The following PCYT2 variants were observed in gnomAD, a reference collection of about 807,000 sequenced individuals.
PCYT2 encodes phosphate cytidylyltransferase 2, ethanolamine, also known as ethanolamine-phosphate cytidylyltransferase.
In PCYT2, 33 loss-of-function variants were observed where a neutral mutation model predicts 50.0. That is an observed-to-expected ratio of 0.66 (90% CI 0.50 to 0.88). PCYT2 has a LOEUF of 0.88. Ranked by LOEUF, PCYT2 falls within the 40% of genes least tolerant of loss-of-function variation. The pLI, the probability that PCYT2 is intolerant of heterozygous loss-of-function variation, is 0.00. For synonymous variants in PCYT2, 240 were observed against 203.7 expected (o/e 1.18, Z -1.52); for missense variants, 430 against 519.7 (o/e 0.83, Z 1.68).
Position 81,902,137 on chromosome 17 carries a change from GCGCCCGCTGCACCCCAGCC to G in PCYT2, c.*2677_*2695del, listed in dbSNP as rs1435409276. ...CGGAGGTGCGACGGCTCCTCCGCGC[GCGCCCGCTGCACCCCAGCC>G]CGCCCGCCGCCCCTCCCGGCCCTCC... On this transcript the variant is annotated 3_prime_UTR_variant, in exon 13 of 13. Transcript: ENST00000538936. The G allele has an allele frequency of 5.4e-5, 41 of 764,324 alleles. No homozygotes were observed. The highest frequency in any genetic ancestry group is 6.2e-5 in the Non-Finnish European group (36 of 579,674). The allele number at this position is 764,324 out of a possible 1,614,324, so 47.3% of individuals were successfully genotyped here.
chr17:81,908,411 G>T (rs2040395453), intron 4 of PCYT2, among the ~76,000 whole-genome samples, 157 bp downstream of exon 4: 1 of 152,236 alleles, frequency 6.6e-6, no homozygotes, highest in Admixed American at 6.5e-5. Context: ...CCCCACAATG[G>T]CACCTCCATC....
At chr17:81,905,506 C>T (rs1438911139) in intron 10 of PCYT2, 59 bp from the exon 11 acceptor site, 2 of 1,494,876 alleles carry the variant, frequency 1.3e-6, no homozygotes, top group Non-Finnish European at 1.8e-6. Context: ...TCGCCACCCA[C>T]AGCCCAGCAC....
rs1251947583 is a variant in PCYT2, at chr17:81,909,124, C to CAA, written c.179-88_179-87insTT. On this transcript the variant is annotated intron_variant, in intron 2 of 12. Transcript: ENST00000538936. ...CCCCTTCCCAGCACCCAGCTGTAGC[C>CAA]ACACAAGAGGGCCGGTGGGGGCAGG... The CAA allele has an allele frequency of 3.9e-6, 6 of 1,546,560 alleles. No homozygotes were observed. In the African/African-American group the frequency reaches 8.2e-5, roughly 21 times the overall value.
intron 1 of PCYT2, 98 bp downstream of exon 1, chr17:81,911,169 C>T: frequency 9.9e-7 from 1 of 1,009,346 alleles, no homozygotes; most frequent in Non-Finnish European, 1.2e-6. Context: ...AGGACGCCAC[C>T]CAGAACGCGG....
chr17:81,906,220 G>A, intron 8 of PCYT2, 43 bp from the exon 9 acceptor site: 1 of 1,544,652 alleles, frequency 6.5e-7, no homozygotes, highest in Non-Finnish European at 8.8e-7. Flanking sequence ...GACTTTTTGG[G>A]GGGACAGGGT....
In PCYT2 at chr17:81,906,663, A is replaced by G. The variant is rs1445689733; in HGVS notation, c.676+97T>C. ...GCTGACAGCTGCTCCCCTGCAAACC[A>G]GCCAGCCCAGTCTGGGGGCCCCAAG... On this transcript the variant is annotated intron_variant, in intron 7 of 12. Coordinates refer to ENST00000538936, the MANE Select transcript of PCYT2 (RefSeq NM_002861.5). 1.9e-6 allele frequency: 3 copies of G among 1,584,290 alleles called. No homozygotes were observed. The East Asian group carries it at 6.7e-5, about 35-fold the overall frequency.
chr17:81,906,178 C>T lies in PCYT2; in HGVS notation c.760-1G>A. On this transcript the variant is annotated splice_acceptor_variant, in intron 8 of 12. Coordinates refer to ENST00000538936, the MANE Select transcript of PCYT2 (RefSeq NM_002861.5). LOFTEE classifies it high-confidence loss of function. ...TCTTCCCCTTGTAGTGATTGACCTCCTGCGGCCAGAGTGCGGCTAGCTCAG... is the reference window on the plus strand; with the variant it reads ...TCTTCCCCTTGTAGTGATTGACCTCTTGCGGCCAGAGTGCGGCTAGCTCAG... 6.2e-7 allele frequency: 1 copy of T among 1,610,324 alleles called. No homozygotes were observed. Among genetic ancestry groups the T allele is most frequent in the Non-Finnish European group, 8.5e-7 (1 of 1,178,120 alleles).
In PCYT2 at chr17:81,903,078, T is replaced by C. The variant is rs1260919082; in HGVS notation, c.*1755A>G. On this transcript the variant is annotated 3_prime_UTR_variant, in exon 13 of 13. Coordinates refer to ENST00000538936, the MANE Select transcript of PCYT2 (RefSeq NM_002861.5). ...AGCTGGCCACGACCCAGCCCCGCGG[T>C]GAAGCCGCGCCTAGCCTTGGTGCTC... 3.0e-6 allele frequency: 1 copy of C among 335,754 alleles called. No homozygotes were observed. The highest frequency in any genetic ancestry group is 2.1e-5 in the African/African-American group (1 of 46,830). 20.8% of individuals were successfully genotyped at this position (335,754 alleles called of 1,614,324 possible).
At chr17:81,908,773 C>T (rs2040420282) in intron 3 of PCYT2, 103 bp downstream of exon 3, 17 of 1,362,466 alleles carry the variant, frequency 1.2e-5, no homozygotes, top group Non-Finnish European at 1.7e-5. Context: ...TGTCTCAGAT[C>T]CTCAAAGGGC....
chr17:81,906,578 GGA>G, intron 7 of PCYT2, 32 bp from the exon 8 acceptor site: 1 of 1,602,668 alleles, frequency 6.2e-7, no homozygotes. Context: ...GTCGGGATGG[GGA>G]TGACAGGGAG....
Position 81,903,154 on chromosome 17 carries a change from C to G in PCYT2, c.*1679G>C. On this transcript the variant is annotated 3_prime_UTR_variant, in exon 13 of 13. Coordinates refer to ENST00000538936, the MANE Select transcript of PCYT2 (RefSeq NM_002861.5). ...TGGCCCGGTTCCCAGTGTCCTCCCC[C>G]AGCCCTTCGCTCCCCAACTCGAGAG... 4.8e-6 allele frequency: 1 copy of G among 209,644 alleles called. No homozygotes were observed. Among genetic ancestry groups the G allele is most frequent in the Non-Finnish European group, 9.4e-6 (1 of 106,148 alleles). The allele number at this position is 209,644 out of a possible 1,614,324, so 13.0% of individuals were successfully genotyped here.
At position 81,902,211 on chromosome 17, in the gene PCYT2, T is replaced by G; in HGVS notation, c.*2622A>C. On this transcript the variant is annotated 3_prime_UTR_variant, in exon 13 of 13. Transcript: ENST00000538936. ...CCTCGGCCCGCCCTCGCCGCAGATA[T>G]AAGGCGGCCCAGGCGGTGGCTGCTC... 8.3e-7 allele frequency: 1 copy of G among 1,200,948 alleles called. No homozygotes were observed. The highest frequency in any genetic ancestry group is 1.0e-6 in the Non-Finnish European group (1 of 966,902). 74.4% of individuals were successfully genotyped at this position (1,200,948 alleles called of 1,614,324 possible).
At position 81,901,217 on chromosome 17, in the gene PCYT2, G is replaced by C. The variant is rs571916242; in HGVS notation, c.*3616C>G. 1 of 152,214 alleles carries C rather than the reference G, an allele frequency of 6.6e-6. No homozygotes were observed. Among genetic ancestry groups the C allele is most frequent in the African/African-American group, 2.4e-5 (1 of 41,432 alleles). The allele number at this position is 152,214 out of a possible 1,614,324, so 9.4% of individuals were successfully genotyped here. Reference sequence around the variant, plus strand: ...GCGAGGGCGGGAAGCATCCAGCATGGGAGAAAGATGGAGGCCAGATTCAGC... The same window carrying C: ...GCGAGGGCGGGAAGCATCCAGCATGCGAGAAAGATGGAGGCCAGATTCAGC... On this transcript the variant is annotated 3_prime_UTR_variant, in exon 13 of 13. Transcript: ENST00000538936.
intron 3 of PCYT2, 63 bp downstream of exon 3, chr17:81,908,813 A>G: frequency 6.7e-7 from 1 of 1,498,180 alleles, no homozygotes; most frequent in Non-Finnish European, 9.2e-7. Flanking sequence ...ATGTCCCACC[A>G]GCAGATCTGA....
At position 81,904,883 on chromosome 17, in the gene PCYT2, C is replaced by A. The variant is rs746826324; in HGVS notation, c.1120G>T (p.Ala374Ser). The A allele has an allele frequency of 6.2e-7, 1 of 1,612,970 alleles. No individual in the cohort carries two copies. Among genetic ancestry groups the A allele is most frequent in the East Asian group, 2.2e-5 (1 of 44,886 alleles). Residue 374 changes from alanine (A) to serine (S), a missense_variant, in exon 13 of 13, where the codon GCC becomes TCC. By Grantham distance (99) the Ala-to-Ser change is moderately conservative. Coordinates refer to ENST00000538936, the MANE Select transcript of PCYT2 (RefSeq NM_002861.5). ...EAKELAFLEAARQQAAQPLGE... is the reference protein window; with the variant it reads ...EAKELAFLEASRQQAAQPLGE... Reference sequence around the variant, plus strand: ...AGGGGCTGTGCCGCCTGCTGCCTGGCAGCCTCCAGGAAGGCCAGCTCCTTG... The same window carrying A: ...AGGGGCTGTGCCGCCTGCTGCCTGGAAGCCTCCAGGAAGGCCAGCTCCTTG...
rs1247436052 is a variant in PCYT2 at position 81,901,266 on chromosome 17, C to G, written c.*3567G>C. ...GCCAGTCTAGTCTTTCCACGTTCCT[C>G]TGCCTGCTTGTATCCTGGCTGTGCT... is the stretch of plus-strand genomic sequence containing the variant. On this transcript the variant is annotated 3_prime_UTR_variant, in exon 13 of 13. Coordinates refer to ENST00000538936, the MANE Select transcript of PCYT2 (RefSeq NM_002861.5). The G allele has an allele frequency of 6.6e-6, 1 of 152,242 alleles. No individual in the cohort carries two copies. The highest frequency in any genetic ancestry group is 1.5e-5 in the Non-Finnish European group (1 of 68,042). 9.4% of individuals were successfully genotyped at this position (152,242 alleles called of 1,614,324 possible).
At chr17:81,910,484 G>A (rs1009000789) in intron 1 of PCYT2, among the ~76,000 whole-genome samples, 1 of 152,244 alleles carries the variant, frequency 6.6e-6, no homozygotes, top group African/African-American at 2.4e-5. Context: ...TGTACCCACT[G>A]GACAGGCTGG....
intron 2 of PCYT2, chr17:81,909,257 C>T: frequency 1.4e-6 from 2 of 1,430,038 alleles, no homozygotes; most frequent in Non-Finnish European, 1.8e-6. Flanking sequence ...CGAGCAGGTG[C>T]TCAGCCCCTG....
chr17:81,905,068 G>A lies in PCYT2; in HGVS notation c.1056C>T (p.Asn352=), dbSNP rs1185486772. The change falls in exon 12 of 13, where the codon AAC becomes AAT. Residue 352 remains asparagine (N), a splice_region_variant and synonymous_variant. Transcript: ENST00000538936. Reference sequence around the variant, plus strand: ...GAGGTGCCCCCACCCAACTGCACCTGTTGGTGATGATCCGCTGGACGATGA... The same window carrying A: ...GAGGTGCCCCCACCCAACTGCACCTATTGGTGATGATCCGCTGGACGATGA... ...TDLIVQRIIT[N]RLEYEARNQK... 6.2e-7 allele frequency: 1 copy of A among 1,610,580 alleles called. No homozygotes were observed. The highest frequency in any genetic ancestry group is 8.5e-7 in the Non-Finnish European group (1 of 1,178,136).
Sources: gnomAD v4.1 joint callset for allele counts (sites outside exome capture counted in the v4.1 genomes callset) on GRCh38, gnomAD v4.1.1 for gene constraint, MANE v1.5 for transcripts, NCBI Gene and HGNC (gene_info 2026-07-23, HGNC 2026-07-21) for gene names.